Variants in DIAPH2 observed in about 807,000 individuals in gnomAD.
DIAPH2 encodes the protein diaphanous related formin 2.
A neutral mutation model predicts 92.7 loss-of-function variants in DIAPH2; 35 were observed. The observed-to-expected ratio is 0.38, with a 90% CI of 0.29 to 0.50. The LOEUF is 0.50. Ranked by LOEUF, DIAPH2 falls within the 20% of genes least tolerant of loss-of-function variation. The pLI is 0.94. For missense variants in DIAPH2, 701 were observed against 819.5 expected (o/e 0.86, Z 1.77); for synonymous variants, 301 against 280.4 (o/e 1.07, Z -0.73).
intron 26 of DIAPH2, among the ~76,000 whole-genome samples, chrX:97,465,354 A>G (rs1017164643): frequency 9.0e-6 from 1 of 111,674 alleles, no homozygotes; most frequent in African/African-American, 3.3e-5. Flanking sequence ...CGTAGATTCT[A>G]CATTCATGGA....
intron 23 of DIAPH2, among the ~76,000 whole-genome samples, chrX:97,257,061 G>A (rs2068243413): frequency 9.0e-6 from 1 of 110,697 alleles, no homozygotes; most frequent in Admixed American, 9.7e-5. Context: ...ATGTAATCAT[G>A]CTGTCTTTTA....
chrX:97,033,778 TC>T, intron 17 of DIAPH2, among the ~76,000 whole-genome samples: 1 of 111,470 alleles, frequency 9.0e-6, no homozygotes, highest in Middle Eastern at 4.7e-3. Context: ...CTATATATGT[TC>T]CATCTATGTC....
rs1276247216 is a variant in DIAPH2, at chrX:96,984,948, A to G, written c.2050+19741A>G. On this transcript the variant is annotated intron_variant, in intron 17 of 26. Transcript: ENST00000324765. The stretch of plus-strand genomic sequence containing the variant: ...TACGACAATGTTGTTATCTTCAATT[A>G]TATAGGGGAGATAACTGGGTCATGG... Among the ~76,000 whole-genome samples, 3 of 111,516 alleles carry G rather than the reference A, an allele frequency of 2.7e-5. No individual in the cohort carries two copies. In the East Asian group the frequency reaches 8.4e-4, roughly 31 times the overall value.
At chrX:97,076,304 G>A (rs2066703863) in intron 19 of DIAPH2, among the ~76,000 whole-genome samples, 2 of 111,941 alleles carry the variant, frequency 1.8e-5, no homozygotes, top group Non-Finnish European at 1.9e-5. Flanking sequence ...GGCTGAGGCA[G>A]GCAGATCACG....
intron 4 of DIAPH2, among the ~76,000 whole-genome samples, chrX:96,768,432 T>A (rs1025512123): frequency 9.0e-6 from 1 of 111,677 alleles, no homozygotes; most frequent in Non-Finnish European, 1.9e-5. Context: ...AGTTACTGGG[T>A]ACTTATTAGT....
At chrX:97,477,830 T>TA (rs1456915981) in intron 26 of DIAPH2, among the ~76,000 whole-genome samples, 55 of 111,811 alleles carry the variant, frequency 4.9e-4, no homozygotes, top group African/African-American at 1.7e-3. Flanking sequence ...ATAAATTTCT[T>TA]ATGAAATCTT....
chrX:97,243,119 A>C (rs1456380406), intron 22 of DIAPH2, among the ~76,000 whole-genome samples: 1 of 111,488 alleles, frequency 9.0e-6, no homozygotes, highest in Non-Finnish European at 1.9e-5. Context: ...ATGACAACAA[A>C]GTATTAAACA....
intron 23 of DIAPH2, among the ~76,000 whole-genome samples, chrX:97,309,343 C>T (rs1414811801): frequency 9.0e-6 from 1 of 110,643 alleles, no homozygotes. Context: ...TCAGGTGATC[C>T]GCCCACCTCA....
chrX:97,012,843 T>C (rs1468383106), intron 17 of DIAPH2, among the ~76,000 whole-genome samples: 1 of 112,360 alleles, frequency 8.9e-6, no homozygotes, highest in Non-Finnish European at 1.9e-5. Flanking sequence ...ATCACAACAT[T>C]GGAAAATACA....
At chrX:97,369,720 C>A (rs1280391296) in intron 24 of DIAPH2, among the ~76,000 whole-genome samples, 1 of 111,432 alleles carries the variant, frequency 9.0e-6, no homozygotes, top group Non-Finnish European at 1.9e-5. Flanking sequence ...GACAACAAAT[C>A]ATCAAACAAT....
At chrX:97,189,400 G>T (rs1037020213) in intron 22 of DIAPH2, among the ~76,000 whole-genome samples, 2 of 109,051 alleles carry the variant, frequency 1.8e-5, no homozygotes, top group Non-Finnish European at 3.8e-5. Context: ...CAAAAGAATT[G>T]GTCTATGAAG....
At chrX:97,373,781 T>A (rs1367193170) in intron 24 of DIAPH2, among the ~76,000 whole-genome samples, 1 of 108,755 alleles carries the variant, frequency 9.2e-6, no homozygotes, top group Non-Finnish European at 1.9e-5. Flanking sequence ...TAATTTTGTA[T>A]TTTTAGTAGA....
chrX:97,352,696 C>T (rs1325743760), intron 24 of DIAPH2, among the ~76,000 whole-genome samples: 8 of 106,317 alleles, frequency 7.5e-5, no homozygotes, highest in East Asian at 2.9e-4. Context: ...GGTGAAACCC[C>T]GTCTCTACTA....
At chrX:97,287,952 C>CAAAAAAAAAA (rs748309881) in intron 23 of DIAPH2, among the ~76,000 whole-genome samples, 23 of 39,780 alleles carry the variant, frequency 5.8e-4, no homozygotes, top group African/African-American at 2.6e-3. Flanking sequence ...GACTCTGTCT[C>CAAAAAAAAAA]AAAAAAAAAA....
At chrX:97,323,462 G>A (rs1290804837) in intron 23 of DIAPH2, among the ~76,000 whole-genome samples, 1 of 104,621 alleles carries the variant, frequency 9.6e-6, no homozygotes, top group East Asian at 3.1e-4. Flanking sequence ...GTGGTGGCGG[G>A]CGCCTGTAGT....
intron 26 of DIAPH2, among the ~76,000 whole-genome samples, chrX:97,566,614 A>T (rs1023684359): frequency 8.9e-6 from 1 of 112,220 alleles, no homozygotes; most frequent in Non-Finnish European, 1.9e-5. Context: ...ACATAGGGAA[A>T]AGAAAGAGGT....
intron 17 of DIAPH2, among the ~76,000 whole-genome samples, chrX:96,988,443 A>G (rs1322779279): frequency 1.8e-5 from 2 of 110,308 alleles, no homozygotes; most frequent in African/African-American, 6.6e-5. Flanking sequence ...TTTTTAAAGC[A>G]AAGAATCAAG....
At chrX:97,549,938 G>C (rs772575414) in intron 26 of DIAPH2, among the ~76,000 whole-genome samples, 1 of 112,776 alleles carries the variant, frequency 8.9e-6, no homozygotes, top group East Asian at 2.7e-4. Flanking sequence ...CTCTAAGAAA[G>C]AGCAACAATT....
intron 1 of DIAPH2, among the ~76,000 whole-genome samples, chrX:96,699,123 C>G (rs974657232): frequency 1.6e-4 from 18 of 111,716 alleles, no homozygotes; most frequent in African/African-American, 5.5e-4. Flanking sequence ...TGAAGGATAT[C>G]TTAAGCTCTC....
Sources: allele counts gnomAD v4.1 joint callset (sites outside exome capture counted in the v4.1 genomes callset), GRCh38; gene constraint gnomAD v4.1.1; transcripts MANE v1.5; gene names NCBI Gene and HGNC (gene_info 2026-07-23, HGNC 2026-07-21).